The following NT5E variants were observed in gnomAD, a reference collection of about 807,000 sequenced individuals.
NT5E encodes the protein 5'-nucleotidase ecto.
Under a neutral mutation model 55.1 loss-of-function variants are expected in NT5E, and 53 were observed. The observed-to-expected ratio is 0.96, with a 90% CI of 0.77 to 1.21. The LOEUF (loss-of-function observed/expected upper bound fraction) is 1.21, where lower values mean the gene tolerates loss of function less well. NT5E is among the 50% of genes most tolerant of loss of function. NT5E has a pLI of 0.00. For missense variants in NT5E, 683 were observed against 724.3 expected (o/e 0.94, Z 0.65); for synonymous variants, 270 against 278.4 (o/e 0.97, Z 0.30).
chr6:85,493,975 T>G lies in NT5E; in HGVS notation c.1696T>G (p.Trp566Gly). The G allele has an allele frequency of 6.2e-7, 1 of 1,614,080 alleles. No individual in the cohort carries two copies. Among genetic ancestry groups the G allele is most frequent in the Non-Finnish European group, 8.5e-7 (1 of 1,179,976 alleles). The change falls in exon 9 of 9, where the codon TGG (tryptophan) becomes GGG (glycine). Residue 566 changes from tryptophan to glycine, a missense_variant. Coordinates refer to ENST00000257770, the MANE Select transcript of NT5E (RefSeq NM_002526.4). ...CTTTTCTTTAATATTTCTTTCACTTTGGGCAGTGATCTTTGTTTTATACCA... is the reference window on the plus strand; with the variant it reads ...CTTTTCTTTAATATTTCTTTCACTTGGGGCAGTGATCTTTGTTTTATACCA... ...GSFSLIFLSL[W>G]AVIFVLYQ is the part of the protein sequence containing the mutation.
At position 85,450,391 on chromosome 6, in the gene NT5E, C is replaced by T; in HGVS notation, c.252C>T (p.Gly84=). The change falls in exon 1 of 9, where the codon GGC becomes GGT. Residue 84 remains glycine, a synonymous_variant. Transcript: ENST00000257770. The surrounding 1 kb of genome is among the most constrained non-coding windows in gnomAD (Gnocchi z 4.0). ...AEPNVLLLDA[G]DQYQGTIWFT... Reference sequence around the variant, plus strand: ...CCAACGTGCTGCTGCTGGACGCCGGCGACCAGTACCAGGGCACTATCTGGT... The same window carrying T: ...CCAACGTGCTGCTGCTGGACGCCGGTGACCAGTACCAGGGCACTATCTGGT... 1 of 1,600,972 alleles carries T rather than the reference C, an allele frequency of 6.2e-7. No homozygotes were observed.
At chr6:85,460,252 T>C (rs2127754874) in intron 1 of NT5E, among the ~76,000 whole-genome samples, 1 of 152,310 alleles carries the variant, frequency 6.6e-6, no homozygotes, top group East Asian at 1.9e-4. Flanking sequence ...GAAAAACTTG[T>C]CCCTAAGAAG....
intron 3 of NT5E, among the ~76,000 whole-genome samples, chr6:85,478,111 A>T (rs1430027948): frequency 6.6e-6 from 1 of 151,822 alleles, no homozygotes; most frequent in Non-Finnish European, 1.5e-5. Context: ...GTGGTCACCC[A>T]CTTGGGTCCT....
intron 1 of NT5E, 49 bp from the exon 2 acceptor site, chr6:85,467,011 T>G: frequency 6.5e-7 from 1 of 1,529,792 alleles, no homozygotes; most frequent in Admixed American, 1.7e-5. Flanking sequence ...TGGACTAATG[T>G]TATGTTTTTA....
At chr6:85,477,182 C>T (rs145412464) in intron 3 of NT5E, among the ~76,000 whole-genome samples, 4 of 152,276 alleles carry the variant, frequency 2.6e-5, no homozygotes, top group African/African-American at 9.6e-5. Flanking sequence ...CCCAGTCCAG[C>T]AGGCTTCACT....
intron 3 of NT5E, among the ~76,000 whole-genome samples, chr6:85,472,069 C>T (rs2127721411): frequency 6.6e-6 from 1 of 152,244 alleles, no homozygotes; most frequent in African/African-American, 2.4e-5. Flanking sequence ...ATGATTTTTC[C>T]ACTTTAAACC....
rs1322734160 is a variant in NT5E at position 85,487,333 on chromosome 6, A to G, written c.950-2A>G. ...TAGGGTACCTTCTTTTCTTTCTTCT[A>G]GATCCAAGCATAAAAGCAGACATTA... On this transcript the variant is annotated splice_acceptor_variant, in intron 4 of 8. Coordinates refer to ENST00000257770, the MANE Select transcript of NT5E (RefSeq NM_002526.4). LOFTEE classifies it high-confidence loss of function. 6.2e-7 allele frequency: 1 copy of G among 1,612,412 alleles called. No individual in the cohort carries two copies. Among genetic ancestry groups the G allele is most frequent in the Non-Finnish European group, 8.5e-7 (1 of 1,178,566 alleles).
chr6:85,487,464 T>C lies in NT5E; in HGVS notation c.1079T>C (p.Met360Thr). The C allele has an allele frequency of 6.2e-7, 1 of 1,614,196 alleles. No individual in the cohort carries two copies. The change falls in exon 5 of 9, where the codon ATG becomes ACG. Residue 360 changes from methionine (M) to threonine (T), a missense_variant. Transcript: ENST00000257770. The stretch of plus-strand genomic sequence containing the variant: ...TCATGCCGCTTTAGAGAATGCAACA[T>C]GGGCAACCTGATTTGTGATGCAATG... ...SQSCRFRECN[M>T]GNLICDAMIN... is the part of the protein sequence containing the mutation.
chr6:85,470,592 C>T (rs1769284794), intron 2 of NT5E, among the ~76,000 whole-genome samples: 1 of 152,276 alleles, frequency 6.6e-6, no homozygotes, highest in Admixed American at 6.5e-5. Context: ...CTGGCATGTG[C>T]CTCCACGCCT....
rs748642768 is a variant in NT5E, at chr6:85,467,302, C to T, written c.562+20C>T. The stretch of plus-strand genomic sequence containing the variant: ...ATCCAGGTATTTTCTACTTTTATAG[C>T]ACTCAATGCTTGAAAATAGATGCCC... On this transcript the variant is annotated intron_variant, in intron 2 of 8. Coordinates refer to ENST00000257770, the MANE Select transcript of NT5E (RefSeq NM_002526.4). 3.1e-6 allele frequency: 5 copies of T among 1,588,052 alleles called. No homozygotes were observed. Among genetic ancestry groups the T allele is most frequent in the South Asian group, 1.1e-5 (1 of 90,460 alleles).
chr6:85,453,854 C>CCA (rs2127753609), intron 1 of NT5E, among the ~76,000 whole-genome samples: 1 of 152,324 alleles, frequency 6.6e-6, no homozygotes, highest in African/African-American at 2.4e-5. Context: ...CCTCCACCTC[C>CCA]CACATAGACA....
chr6:85,451,147 A>G (rs563889245), intron 1 of NT5E, among the ~76,000 whole-genome samples: 11 of 152,338 alleles, frequency 7.2e-5, no homozygotes, highest in African/African-American at 2.2e-4. Flanking sequence ...TGGTCTCTAT[A>G]TTATTACCAG....
intron 1 of NT5E, among the ~76,000 whole-genome samples, chr6:85,462,134 C>G (rs762942567): frequency 1.2e-4 from 19 of 152,066 alleles, no homozygotes; most frequent in Non-Finnish European, 2.5e-4. Flanking sequence ...CACCACATTC[C>G]CACAGCCCCA....
rs1769768125 is a variant in NT5E at position 85,490,907 on chromosome 6, A to G, written c.1360+250A>G. The G allele has an allele frequency of 8.8e-6, 5 of 566,330 alleles. No homozygotes were observed. In the African/African-American group the frequency reaches 9.3e-5, roughly 11 times the overall value. The allele number at this position is 566,330 out of a possible 1,614,324, so 35.1% of individuals were successfully genotyped here. On this transcript the variant is annotated intron_variant, in intron 7 of 8. Transcript: ENST00000257770. ...TTGCCAAGTCTGATTTGGACATCAGATGGGCCCTCTAAGCAGGTCACCTGC... is the reference window on the plus strand; with the variant it reads ...TTGCCAAGTCTGATTTGGACATCAGGTGGGCCCTCTAAGCAGGTCACCTGC...
At chr6:85,465,116 G>A (rs1284377413) in intron 1 of NT5E, among the ~76,000 whole-genome samples, 2 of 152,190 alleles carry the variant, frequency 1.3e-5, no homozygotes, top group African/African-American at 2.4e-5. Flanking sequence ...ACCACATTGA[G>A]CACCATGAAT....
At chr6:85,455,923 T>G (rs1768981031) in intron 1 of NT5E, among the ~76,000 whole-genome samples, 2 of 152,046 alleles carry the variant, frequency 1.3e-5, no homozygotes, top group South Asian at 4.2e-4. Flanking sequence ...ATGTGTGTGT[T>G]TGTGCTTTTG....
At chr6:85,478,689 T>C in intron 3 of NT5E, among the ~76,000 whole-genome samples, 1 of 151,892 alleles carries the variant, frequency 6.6e-6, no homozygotes, top group East Asian at 1.9e-4. Context: ...GAACAAAATA[T>C]ATAAATATGT....
At position 85,487,406 on chromosome 6, in the gene NT5E, A is replaced by G. The variant is rs908913196; in HGVS notation, c.1021A>G (p.Lys341Glu). The G allele has an allele frequency of 6.2e-7, 1 of 1,614,094 alleles. No individual in the cohort carries two copies. Among genetic ancestry groups the G allele is most frequent in the East Asian group, 2.2e-5 (1 of 44,872 alleles). ...TAATTATTCTACCCAGGAATTAGGG[A>G]AAACAATTGTCTATCTGGATGGCTC... ...LDNYSTQELG[K>E]TIVYLDGSSQ... The change falls in exon 5 of 9, where the codon AAA becomes GAA. Residue 341 changes from lysine to glutamate, a missense_variant. Lys to Glu is a moderately conservative substitution (Grantham distance 56). Coordinates refer to ENST00000257770, the MANE Select transcript of NT5E (RefSeq NM_002526.4).
chr6:85,467,177 C>G lies in NT5E; in HGVS notation c.457C>G (p.Gln153Glu), dbSNP rs200369370. 885 of 1,614,148 alleles carry G rather than the reference C, an allele frequency of 5.5e-4. 1 individual carries two copies. The highest frequency in any genetic ancestry group is 3.9e-4 in the Non-Finnish European group (466 of 1,180,034). ...NIKAKGPLASQISGLYLPYKV... is the reference protein window; with the variant it reads ...NIKAKGPLASEISGLYLPYKV... Reference sequence around the variant, plus strand: ...TAAAGCAAAGGGGCCACTAGCATCTCAAATATCAGGACTTTATTTGCCATA... The same window carrying G: ...TAAAGCAAAGGGGCCACTAGCATCTGAAATATCAGGACTTTATTTGCCATA... The change falls in exon 2 of 9, where the codon CAA (glutamine) becomes GAA (glutamate). Residue 153 changes from glutamine (Q) to glutamate (E), a missense_variant. Gln to Glu is a conservative substitution (Grantham distance 29). Transcript: ENST00000257770.
Sources: allele counts gnomAD v4.1 joint callset (sites outside exome capture counted in the v4.1 genomes callset), GRCh38; gene constraint gnomAD v4.1.1; non-coding constraint Gnocchi (gnomAD v3.1); transcripts MANE v1.5; gene names NCBI Gene and HGNC (gene_info 2026-07-23, HGNC 2026-07-21).